ZNF592: variants seen among roughly 807,000 people sequenced by gnomAD.
ZNF592 encodes the protein zinc finger protein 592, also known as spinocerebellar ataxia, autosomal recessive 5.
A neutral mutation model predicts 80.3 loss-of-function variants in ZNF592; 11 were observed. That is an observed-to-expected ratio of 0.14 (90% CI 0.09 to 0.23). The LOEUF is 0.23. ZNF592 is among the 10% of genes least tolerant of loss of function. ZNF592 has a pLI of 1.00. For synonymous variants in ZNF592, 646 were observed against 640.3 expected, an observed-to-expected ratio of 1.01 and a Z score of -0.13; for missense variants, 1,420 against 1,633.9, an observed-to-expected ratio of 0.87 and a Z score of 2.26.
rs1040638594 is a variant in ZNF592 at position 84,803,463 on chromosome 15, C to T, written c.*1070C>T. On this transcript the variant is annotated 3_prime_UTR_variant, in exon 11 of 11. Transcript: ENST00000560079. ...ATTCTGGAGCTTGTGGTTAGGAAAC[C>T]GGGAGCCCTGTACTACTTAGTTCTC... 1.5e-4 allele frequency: 23 copies of T among 152,490 alleles called. No individual in the cohort carries two copies. Among genetic ancestry groups the T allele is most frequent in the Non-Finnish European group, 2.8e-4 (19 of 68,046 alleles). 9.4% of individuals were successfully genotyped at this position (152,490 alleles called of 1,614,324 possible).
At chr15:84,755,418 C>A (rs1339943496) in intron 1 of ZNF592, among the ~76,000 whole-genome samples, 1 of 151,974 alleles carries the variant, frequency 6.6e-6, no homozygotes, top group Non-Finnish European at 1.5e-5. Flanking sequence ...AGACATGCAC[C>A]ACTGTGCCCA....
rs913581293 is a variant in ZNF592 at position 84,802,821 on chromosome 15, T to C, written c.*428T>C. ...AGACACCAGCTCTCCTTCCTGCCTTTAGATCCTGAGAAGGAGGGAAATGAG... is the reference window on the plus strand; with the variant it reads ...AGACACCAGCTCTCCTTCCTGCCTTCAGATCCTGAGAAGGAGGGAAATGAG... On this transcript the variant is annotated 3_prime_UTR_variant, in exon 11 of 11. Coordinates refer to ENST00000560079, the MANE Select transcript of ZNF592 (RefSeq NM_014630.3). 4 of 208,408 alleles carry C rather than the reference T, an allele frequency of 1.9e-5. No homozygotes were observed. The highest frequency in any genetic ancestry group is 1.6e-4 in the Admixed American group (3 of 19,314). The allele number at this position is 208,408 out of a possible 1,614,324, so 12.9% of individuals were successfully genotyped here.
intron 3 of ZNF592, among the ~76,000 whole-genome samples, chr15:84,780,547 T>C (rs1450220225): frequency 1.3e-5 from 2 of 152,226 alleles, no homozygotes; most frequent in African/African-American, 2.4e-5. Context: ...CCAACCCATG[T>C]TTAGGTAATT....
intron 10 of ZNF592, among the ~76,000 whole-genome samples, chr15:84,801,555 T>C (rs1003334722): frequency 2.0e-5 from 3 of 152,218 alleles, no homozygotes; most frequent in Non-Finnish European, 4.4e-5. Context: ...GACAATAGTT[T>C]TGTTTTTGTA....
intron 1 of ZNF592, among the ~76,000 whole-genome samples, 200 bp downstream of exon 1, chr15:84,748,864 C>A (rs1320738452): frequency 6.8e-6 from 1 of 147,942 alleles, no homozygotes; most frequent in African/African-American, 2.4e-5. Context: ...CGCCACCCCA[C>A]CCCGCCCCCG....
At chr15:84,759,975 A>G in intron 1 of ZNF592, among the ~76,000 whole-genome samples, 1 of 86,510 alleles carries the variant, frequency 1.2e-5, no homozygotes, top group Non-Finnish European at 2.3e-5. Flanking sequence ...CCACCCTGCC[A>G]TTTAAAAAGT....
intron 10 of ZNF592, among the ~76,000 whole-genome samples, chr15:84,800,388 G>T (rs1166653452): frequency 6.6e-6 from 1 of 152,122 alleles, no homozygotes; most frequent in African/African-American, 2.4e-5. Flanking sequence ...GTTATAGGAA[G>T]AGCCAGGCCT....
At chr15:84,775,927 G>C (rs754511639) in intron 2 of ZNF592, among the ~76,000 whole-genome samples, 2 of 152,164 alleles carry the variant, frequency 1.3e-5, no homozygotes, top group Non-Finnish European at 2.9e-5. Flanking sequence ...AATATTTCCA[G>C]ATATTCCCTA....
Position 84,772,714 on chromosome 15 carries a change from G to A in ZNF592, c.-149-5469G>A, listed in dbSNP as rs966650031. Reference sequence around the variant, plus strand: ...TCCTTCCTTCCAGTCCTAATACAACGAACAATGGCAAATTCAAGAAAACTT... The same window carrying A: ...TCCTTCCTTCCAGTCCTAATACAACAAACAATGGCAAATTCAAGAAAACTT... On this transcript the variant is annotated intron_variant, in intron 2 of 10. Transcript: ENST00000560079. 1.1e-4 allele frequency among the ~76,000 whole-genome samples: 16 copies of A among 152,052 alleles called. 1 individual carries two copies. Among genetic ancestry groups the A allele is most frequent in the Admixed American group, 9.8e-4 (15 of 15,256 alleles).
chr15:84,776,925 G>T (rs1281060624), intron 2 of ZNF592, among the ~76,000 whole-genome samples: 1 of 151,726 alleles, frequency 6.6e-6, no homozygotes, highest in Non-Finnish European at 1.5e-5. Flanking sequence ...GGTGGTGCGT[G>T]CCTATAATCC....
At chr15:84,772,499 A>G (rs1237264778) in intron 2 of ZNF592, among the ~76,000 whole-genome samples, 3 of 152,202 alleles carry the variant, frequency 2.0e-5, no homozygotes, top group African/African-American at 2.4e-5. Context: ...GAAGTGAGCT[A>G]TGATCACACC....
intron 3 of ZNF592, among the ~76,000 whole-genome samples, chr15:84,778,803 T>G (rs184508089): frequency 6.6e-6 from 1 of 152,316 alleles, no homozygotes; most frequent in Non-Finnish European, 1.5e-5. Flanking sequence ...TTCCTGGGGT[T>G]GATCTAAGGG....
chr15:84,805,088 G>C lies in ZNF592; in HGVS notation c.*2695G>C. On this transcript the variant is annotated 3_prime_UTR_variant, in exon 11 of 11. Coordinates refer to ENST00000560079, the MANE Select transcript of ZNF592 (RefSeq NM_014630.3). ...GCTTTCCTACTTCCCATGCAGTTGGGGTGCCCTGCCAAGTGCCAGGTTCTC... is the reference window on the plus strand; with the variant it reads ...GCTTTCCTACTTCCCATGCAGTTGGCGTGCCCTGCCAAGTGCCAGGTTCTC... The C allele has an allele frequency of 6.6e-6, 1 of 152,160 alleles. No individual in the cohort carries two copies. Among genetic ancestry groups the C allele is most frequent in the South Asian group, 2.1e-4 (1 of 4,822 alleles). 9.4% of individuals were successfully genotyped at this position (152,160 alleles called of 1,614,324 possible).
intron 2 of ZNF592, among the ~76,000 whole-genome samples, chr15:84,765,684 G>C (rs1899494930): frequency 6.6e-6 from 1 of 151,398 alleles, no homozygotes; most frequent in African/African-American, 2.4e-5. Context: ...GACTACAGGT[G>C]CATGCCACCA....
rs1178268285 is a variant in ZNF592, at chr15:84,784,307, G to A, written c.1632G>A (p.Val544=). The change falls in exon 4 of 11, where the codon GTG becomes GTA. Residue 544 remains valine (V), a synonymous_variant. Transcript: ENST00000560079. The surrounding 1 kb of genome is among the most constrained non-coding windows in gnomAD (Gnocchi z 5.8). ...TQMSVPLVHQ[V]KKAAPLIVEV... ...TGTCGGTGCCCCTGGTCCACCAGGT[G>A]AAAAAGGCTGCCCCACTGATTGTAG... is the stretch of plus-strand genomic sequence containing the variant. The A allele has an allele frequency of 1.2e-6, 2 of 1,614,226 alleles. No individual in the cohort carries two copies. The highest frequency in any genetic ancestry group is 1.7e-6 in the Non-Finnish European group (2 of 1,180,038).
chr15:84,790,371 A>G (rs1015329030), intron 4 of ZNF592, among the ~76,000 whole-genome samples: 45 of 152,094 alleles, frequency 3.0e-4, no homozygotes, highest in African/African-American at 1.0e-3. Flanking sequence ...AGGTCTTAGA[A>G]TTCAAGATGT....
In ZNF592 at chr15:84,798,491, G is replaced by T; in HGVS notation, c.2736+17G>T. 6.2e-7 allele frequency: 1 copy of T among 1,613,878 alleles called. No homozygotes were observed. The highest frequency in any genetic ancestry group is 1.1e-5 in the South Asian group (1 of 91,042). ...CACGTCAAGGTGGGATGCCTTGCGG[G>T]AGGAGGCCGGGGAGGAGGGCACATG... On this transcript the variant is annotated intron_variant, in intron 7 of 10. Coordinates refer to ENST00000560079, the MANE Select transcript of ZNF592 (RefSeq NM_014630.3). The surrounding 1 kb of genome is among the most constrained non-coding windows in gnomAD (Gnocchi z 4.5).
At chr15:84,781,869 A>C (rs550763852) in intron 3 of ZNF592, among the ~76,000 whole-genome samples, 1 of 152,288 alleles carries the variant, frequency 6.6e-6, no homozygotes, top group South Asian at 2.1e-4. Context: ...CCAGATCATG[A>C]AGGAGACAAG....
rs373070885 is a variant in ZNF592, at chr15:84,783,942, G to A, written c.1267G>A (p.Gly423Arg). 3.7e-6 allele frequency: 6 copies of A among 1,614,010 alleles called. No individual in the cohort carries two copies. Among genetic ancestry groups the A allele is most frequent in the Non-Finnish European group, 5.1e-6 (6 of 1,179,836 alleles). Residue 423 changes from glycine (G) to arginine (R), a missense_variant, in exon 4 of 11, where the codon GGG becomes AGG. Gly to Arg is a moderately radical substitution (Grantham distance 125). This residue lies in a region of ZNF592 where 524 missense variants were observed against 628.3 expected (regional missense o/e 0.83). Coordinates refer to ENST00000560079, the MANE Select transcript of ZNF592 (RefSeq NM_014630.3). The surrounding 1 kb of genome is among the most constrained non-coding windows in gnomAD (Gnocchi z 5.0). Reference sequence around the variant, plus strand: ...TGCAGAGGCCCCCAGCGAGATGCCAGGGGATGAGGTGCCTGTGGAAGAGCA... The same window carrying A: ...TGCAGAGGCCCCCAGCGAGATGCCAAGGGATGAGGTGCCTGTGGAAGAGCA... ...AIAEAPSEMPGDEVPVEEHFP... is the reference protein window; with the variant it reads ...AIAEAPSEMPRDEVPVEEHFP...
Sources: allele counts gnomAD v4.1 joint callset (sites outside exome capture counted in the v4.1 genomes callset), GRCh38; gene constraint gnomAD v4.1.1; regional missense constraint gnomAD v4.1.1; non-coding constraint Gnocchi (gnomAD v3.1); transcripts MANE v1.5; gene names NCBI Gene and HGNC (gene_info 2026-07-23, HGNC 2026-07-21).